GLUL: variants seen among roughly 807,000 people sequenced by gnomAD.
The protein encoded by GLUL is glutamine synthetase.
A neutral mutation model predicts 36.9 loss-of-function variants in GLUL; 8 were observed. That is an observed-to-expected ratio of 0.22 (90% confidence interval 0.13 to 0.39). The LOEUF is 0.39. GLUL is among the 10% of genes least tolerant of loss of function. The pLI is 1.00. For missense variants in GLUL, 315 were observed against 501.8 expected (o/e 0.63, Z 3.56); for synonymous variants, 182 against 172.8 (o/e 1.05, Z -0.42).
At chr1:182,384,931 T>A (rs1336374697) in intron 6 of GLUL, 1 of 606,872 alleles carries the variant, frequency 1.6e-6, no homozygotes, top group Non-Finnish European at 2.9e-6. Flanking sequence ...TTTGAAACTT[T>A]CTCCCCCTCA....
rs970464169 is a variant in GLUL at position 182,379,549 on chromosome 1, ATTTTT to A, written c.*4851_*4855del. ...AAACTGCCAGTTTACATCAGTTATA[ATTTTT>A]TTTTGTTTTTTTGAGACAGGGTCTC... On this transcript the variant is annotated 3_prime_UTR_variant, in exon 7 of 7. Transcript: ENST00000331872. Among the ~76,000 whole-genome samples the A allele has an allele frequency of 1.3e-5, 2 of 150,066 alleles. No homozygotes were observed. Among genetic ancestry groups the A allele is most frequent in the Non-Finnish European group, 3.0e-5 (2 of 67,526 alleles).
At chr1:182,386,017 G>A in intron 4 of GLUL, 130 bp from the exon 5 acceptor site, 1 of 1,013,210 alleles carries the variant, frequency 9.9e-7, no homozygotes, top group Non-Finnish European at 1.6e-6. Flanking sequence ...GTGCGGGGCA[G>A]GGGAGGGGCA....
At chr1:182,387,496 A>G (rs1420118994) in intron 2 of GLUL, among the ~76,000 whole-genome samples, 1 of 152,146 alleles carries the variant, frequency 6.6e-6, no homozygotes, top group Admixed American at 6.5e-5. Context: ...TCCAAGTAAG[A>G]CCATTGTACC....
chr1:182,390,862 C>G (rs952319670), intron 1 of GLUL: 1 of 399,156 alleles, frequency 2.5e-6, no homozygotes. Flanking sequence ...GCTTCCCGCC[C>G]CCGAGGGAGT....
In GLUL at chr1:182,385,750, C is replaced by T. The variant is rs774558804; in HGVS notation, c.603+10G>A. The T allele has an allele frequency of 6.2e-7, 1 of 1,614,072 alleles. No individual in the cohort carries two copies. The highest frequency in any genetic ancestry group is 2.2e-5 in the East Asian group (1 of 44,874). On this transcript the variant is annotated intron_variant, in intron 5 of 6. Coordinates refer to ENST00000331872, the MANE Select transcript of GLUL (RefSeq NM_001033044.4). ...ACCCTTCTTCATTGATGGATTGGAG[C>T]TATACTTACCTGGGCAGGCATGACC...
intron 1 of GLUL, 31 bp downstream of exon 1, chr1:182,391,648 T>C (rs1423395808): frequency 6.3e-6 from 1 of 158,468 alleles, no homozygotes; most frequent in Non-Finnish European, 1.4e-5. Flanking sequence ...CGCGCCTCGC[T>C]TGCGTGACAC....
rs1650271723 is a variant in GLUL, at chr1:182,388,508, G to A, written c.166+64C>T. 4 of 1,410,402 alleles carry A rather than the reference G, an allele frequency of 2.8e-6. No homozygotes were observed. In the South Asian group the frequency reaches 4.6e-5, roughly 16 times the overall value. The allele number at this position is 1,410,402 out of a possible 1,614,324, so 87.4% of individuals were successfully genotyped here. ...GGCCTAATCCAGAGGCTGAGTCAAA[G>A]GCTGCTGCCCACCCCTCTGCAGATC... is the stretch of plus-strand genomic sequence containing the variant. On this transcript the variant is annotated intron_variant, in intron 2 of 6. Coordinates refer to ENST00000331872, the MANE Select transcript of GLUL (RefSeq NM_001033044.4).
chr1:182,380,173 G>C lies in GLUL; in HGVS notation c.*4232C>G, dbSNP rs1281416029. ...GTTATAACTCTTAAAGCAACACAAG[G>C]CTCTTGGTAGCCTGATTACAATGAG... On this transcript the variant is annotated 3_prime_UTR_variant, in exon 7 of 7. Transcript: ENST00000331872. Among the ~76,000 whole-genome samples, 4 of 152,134 alleles carry C rather than the reference G, an allele frequency of 2.6e-5. No homozygotes were observed. Among genetic ancestry groups the C allele is most frequent in the South Asian group, 2.1e-4 (1 of 4,828 alleles).
intron 6 of GLUL, 146 bp downstream of exon 6, chr1:182,385,211 G>T: frequency 1.4e-6 from 1 of 699,654 alleles, no homozygotes. Context: ...CCTAAAGTAC[G>T]TCCAGACTGA....
chr1:182,387,109 C>T, intron 3 of GLUL, 22 bp downstream of exon 3: 1 of 1,587,040 alleles, frequency 6.3e-7, no homozygotes, highest in Non-Finnish European at 8.7e-7. Flanking sequence ...GGAGGGGTAT[C>T]CATAGCTGTG....
Position 182,384,600 on chromosome 1 carries a change from G to A in GLUL, c.927C>T (p.Ile309=). The change falls in exon 7 of 7, where the codon ATC becomes ATT. Residue 309 remains isoleucine, a synonymous_variant. Transcript: ENST00000331872. ...TGGCTACACCAGCAGAAAAGTCGTT[G>A]ATGTTGGAGGTTTCATGGAATCCAG... ...RLTGFHETSN[I]NDFSAGVANR... 6.2e-7 allele frequency: 1 copy of A among 1,614,194 alleles called. No homozygotes were observed. The highest frequency in any genetic ancestry group is 2.2e-5 in the East Asian group (1 of 44,884).
At position 182,390,668 on chromosome 1, in the gene GLUL, T is replaced by C. The variant is rs1286208260; in HGVS notation, c.-14+1011A>G. On this transcript the variant is annotated intron_variant, in intron 1 of 6. Transcript: ENST00000331872. ...CAGACAGCGGCCGGCCCGGGGGGTG[T>C]CCGAACAGGCAGGTTGGTGGGTTAA... 7 of 398,916 alleles carry C rather than the reference T, an allele frequency of 1.8e-5. No individual in the cohort carries two copies. The East Asian group carries it at 2.5e-4, about 14-fold the overall frequency. The allele number at this position is 398,916 out of a possible 1,614,324, so 24.7% of individuals were successfully genotyped here. A position where few individuals can be genotyped will look rare whatever the true frequency, so the allele number is the denominator to read the frequency against.
At chr1:182,386,165 G>C (rs1650171374) in intron 4 of GLUL, 91 bp downstream of exon 4, 1 of 1,303,394 alleles carries the variant, frequency 7.7e-7, no homozygotes, top group Non-Finnish European at 1.1e-6. Context: ...TTTGCTTCTT[G>C]ATTCTGAAAG....
At chr1:182,388,856 C>A (rs912203502) in intron 1 of GLUL, 106 bp from the exon 2 acceptor site, 2 of 835,686 alleles carry the variant, frequency 2.4e-6, no homozygotes, top group Non-Finnish European at 4.1e-6. Flanking sequence ...GTGTAAGTGC[C>A]AACTCCTTCC....
At position 182,385,460 on chromosome 1, in the gene GLUL, C is replaced by T. The variant is rs1054866971; in HGVS notation, c.700G>A (p.Val234Met). The change falls in exon 6 of 7, where the codon GTG becomes ATG. Residue 234 changes from valine to methionine, a missense_variant. By Grantham distance (21) the Val-to-Met change is conservative (BLOSUM62 1). Around this residue, in one of 3 missense-constraint regions of GLUL, gnomAD observed 256 missense variants for 396.1 expected, o/e 0.65. Coordinates refer to ENST00000331872, the MANE Select transcript of GLUL (RefSeq NM_001033044.4). ...GGCTTAGGATCAAAGGTTGCTATCA[C>T]TCCAAAGTCTTCACACACACGATGC... ...ILHRVCEDFG[V>M]IATFDPKPIP... The T allele has an allele frequency of 5.0e-6, 8 of 1,613,792 alleles. No homozygotes were observed. The highest frequency in any genetic ancestry group is 6.8e-6 in the Non-Finnish European group (8 of 1,179,786).
rs1439464359 is a variant in GLUL at position 182,380,823 on chromosome 1, T to C, written c.*3582A>G. Among the ~76,000 whole-genome samples, 1 of 152,238 alleles carries C rather than the reference T, an allele frequency of 6.6e-6. No individual in the cohort carries two copies. Among genetic ancestry groups the C allele is most frequent in the Non-Finnish European group, 1.5e-5 (1 of 68,032 alleles). On this transcript the variant is annotated 3_prime_UTR_variant, in exon 7 of 7. Coordinates refer to ENST00000331872, the MANE Select transcript of GLUL (RefSeq NM_001033044.4). ...CATGAAGTTCAACTAGAAAGTCCTG[T>C]CGAATGATGAGACATCTTTCTTTGG...
rs149058083 is a variant in GLUL at position 182,387,152 on chromosome 1, T to C, written c.307A>G (p.Lys103Glu). ...ACACCTGCAGGCCTTCGATTGTACTTGAAAACTTCACATAACACCAGCTTG... is the reference window on the plus strand; with the variant it reads ...ACACCTGCAGGCCTTCGATTGTACTCGAAAACTTCACATAACACCAGCTTG... ...PNKLVLCEVFKYNRRPAETNL... is the reference protein window; with the variant it reads ...PNKLVLCEVFEYNRRPAETNL... Residue 103 changes from lysine to glutamate, a missense_variant, in exon 3 of 7, where the codon AAG becomes GAG. Around this residue, in one of 3 missense-constraint regions of GLUL, gnomAD observed 256 missense variants for 396.1 expected, o/e 0.65. Coordinates refer to ENST00000331872, the MANE Select transcript of GLUL (RefSeq NM_001033044.4). 1.9e-6 allele frequency: 3 copies of C among 1,613,870 alleles called. No individual in the cohort carries two copies. Among genetic ancestry groups the C allele is most frequent in the African/African-American group, 1.3e-5 (1 of 74,912 alleles).
rs1650015694 is a variant in GLUL at position 182,383,254 on chromosome 1, A to AAACCCT, written c.*1145_*1150dup. On this transcript the variant is annotated 3_prime_UTR_variant, in exon 7 of 7. Transcript: ENST00000331872. Reference sequence around the variant, plus strand: ...AAGCAATTCTGTAAAAATTACCTAGAAACCCTACAAATTTGATTAAAATCT... The same window carrying AAACCCT: ...AAGCAATTCTGTAAAAATTACCTAGAAACCCTAACCCTACAAATTTGATTAAAATCT... The AAACCCT allele has an allele frequency of 1.3e-5, 2 of 152,214 alleles. No homozygotes were observed. Among genetic ancestry groups the AAACCCT allele is most frequent in the South Asian group, 4.1e-4 (2 of 4,838 alleles). 9.4% of individuals were successfully genotyped at this position (152,214 alleles called of 1,614,324 possible). A position where few individuals can be genotyped will look rare whatever the true frequency, so the allele number is the denominator to read the frequency against.
Position 182,385,614 on chromosome 1 carries a change from T to A in GLUL, c.604-58A>T. 4.5e-6 allele frequency: 7 copies of A among 1,567,584 alleles called. No homozygotes were observed. In the South Asian group the frequency reaches 6.7e-5, roughly 15 times the overall value. ...GCTAACTGCTCACTCCAACTCAGAA[T>A]CTCCTAAACCTGTTCTCTTCTCACC... is the stretch of plus-strand genomic sequence containing the variant. On this transcript the variant is annotated intron_variant, in intron 5 of 6. Coordinates refer to ENST00000331872, the MANE Select transcript of GLUL (RefSeq NM_001033044.4).
Sources: gnomAD v4.1 joint callset for allele counts (sites outside exome capture counted in the v4.1 genomes callset) on GRCh38, gnomAD v4.1.1 for gene constraint, gnomAD v4.1.1 regional missense constraint, MANE v1.5 for transcripts, NCBI Gene and HGNC (gene_info 2026-07-23, HGNC 2026-07-21) for gene names.